HAO2: variants seen among roughly 807,000 people sequenced by gnomAD.
HAO2 encodes hydroxyacid oxidase 2.
Under a neutral mutation model 37.4 loss-of-function variants are expected in HAO2, and 42 were observed. That is an observed-to-expected ratio of 1.12 (90% CI 0.88 to 1.45). The LOEUF (loss-of-function observed/expected upper bound fraction) is 1.45. Ranked by LOEUF, HAO2 falls within the 40% of genes most tolerant of loss-of-function variation. The pLI is 0.00. For synonymous variants in HAO2, 180 were observed against 162.8 expected (o/e 1.11, Z -0.81); for missense variants, 476 against 430.2 (o/e 1.11, Z -0.94).
At chr1:119,369,833 C>A (rs951516969) in intron 1 of HAO2, among the ~76,000 whole-genome samples, 4 of 152,084 alleles carry the variant, frequency 2.6e-5, no homozygotes, top group Admixed American at 6.6e-5. Context: ...GAAAGTCTGT[C>A]TTCTTCGACT....
In HAO2 at chr1:119,391,590, A is replaced by C. The variant is rs140430712; in HGVS notation, c.772-520A>C. Among the ~76,000 whole-genome samples the C allele has an allele frequency of 2.0e-5, 3 of 152,320 alleles. No homozygotes were observed. In the East Asian group the frequency reaches 5.8e-4, roughly 29 times the overall value. ...GATACGCCATGAGGAAGTCAGGGACAAGTTGGTCAAGTGGTGCATGAGAAA... is the reference window on the plus strand; with the variant it reads ...GATACGCCATGAGGAAGTCAGGGACCAGTTGGTCAAGTGGTGCATGAGAAA... On this transcript the variant is annotated intron_variant, in intron 5 of 7. Coordinates refer to ENST00000325945, the MANE Select transcript of HAO2 (RefSeq NM_016527.4).
At chr1:119,370,771 G>C (rs941330481) in intron 1 of HAO2, among the ~76,000 whole-genome samples, 1 of 152,154 alleles carries the variant, frequency 6.6e-6, no homozygotes, top group African/African-American at 2.4e-5. Context: ...GGTAGTTGCC[G>C]TAGACAGAGA....
In HAO2 at chr1:119,393,798, C is replaced by A. The variant is rs763058168; in HGVS notation, c.1014C>A (p.Val338=). The change falls in exon 8 of 8, where the codon GTC becomes GTA. Residue 338 remains valine, a synonymous_variant. Coordinates refer to ENST00000325945, the MANE Select transcript of HAO2 (RefSeq NM_016527.4). ...TSMALTGCRS[V]AEINRNLVQF... is the part of the protein sequence containing the mutation. ...TTGTTCTTTTAGGCTGCCGGTCGGT[C>A]GCTGAGATCAATCGAAACTTGGTCC... The A allele has an allele frequency of 5.6e-6, 9 of 1,612,898 alleles. No individual in the cohort carries two copies. In the South Asian group the frequency reaches 8.8e-5, roughly 16 times the overall value.
intron 4 of HAO2, chr1:119,385,875 T>C: frequency 1.0e-6 from 1 of 984,818 alleles, no homozygotes; most frequent in Non-Finnish European, 1.2e-6. Context: ...AAATGTTTGA[T>C]GTACATGGTG....
intron 2 of HAO2, among the ~76,000 whole-genome samples, chr1:119,382,119 C>T (rs1181955655): frequency 2.0e-5 from 3 of 152,132 alleles, no homozygotes; most frequent in East Asian, 1.9e-4. Flanking sequence ...TAGCACTATA[C>T]GAGGCACCTT....
At chr1:119,389,137 C>CATATATATATATGTGTATATATATAT (rs1650617018) in intron 5 of HAO2, among the ~76,000 whole-genome samples, 1 of 3,324 alleles carries the variant, frequency 3.0e-4, no homozygotes, top group African/African-American at 1.4e-3. Context: ...AGTATTTCAT[C>CATATATATATATGTGTATATATATAT]ATATATATAT....
At position 119,393,979 on chromosome 1, in the gene HAO2, C is replaced by G; in HGVS notation, c.*139C>G. On this transcript the variant is annotated 3_prime_UTR_variant, in exon 8 of 8. Transcript: ENST00000325945. ...CCCATATTTCCCACATTTCTAATAC[C>G]ACCACCCCTGTGCTTCAGGCCCTCC... is the stretch of plus-strand genomic sequence containing the variant. 1 of 1,517,246 alleles carries G rather than the reference C, an allele frequency of 6.6e-7. No individual in the cohort carries two copies. Among genetic ancestry groups the G allele is most frequent in the Non-Finnish European group, 8.9e-7 (1 of 1,124,576 alleles). The allele number at this position is 1,517,246 out of a possible 1,614,324, so 94.0% of individuals were successfully genotyped here. A position where few individuals can be genotyped will look rare whatever the true frequency, so the allele number is the denominator to read the frequency against.
rs587664012 is a variant in HAO2 at position 119,378,138 on chromosome 1, C to T, written c.-8-2940C>T. 2.3e-4 allele frequency among the ~76,000 whole-genome samples: 35 copies of T among 152,212 alleles called. 1 individual carries two copies. The East Asian group carries it at 3.5e-3, about 15-fold the overall frequency. On this transcript the variant is annotated intron_variant, in intron 1 of 7. Transcript: ENST00000325945. ...TGAGAACCAACTATTTTGTTCTTTA[C>T]GTTAAATTGAAAATAGAGAATGTCT... is the stretch of plus-strand genomic sequence containing the variant.
chr1:119,389,779 G>T (rs952323066), intron 5 of HAO2, among the ~76,000 whole-genome samples: 1 of 151,976 alleles, frequency 6.6e-6, no homozygotes, highest in Non-Finnish European at 1.5e-5. Context: ...CCATACAAAA[G>T]CTCCTTAGTT....
In HAO2 at chr1:119,385,441, A is replaced by G. The variant is rs587600616; in HGVS notation, c.561+388A>G. 6.1e-5 allele frequency: 50 copies of G among 820,528 alleles called. No homozygotes were observed. In the Admixed American group the frequency reaches 1.4e-3, roughly 23 times the overall value. The allele number at this position is 820,528 out of a possible 1,614,324, so 50.8% of individuals were successfully genotyped here. ...AAAATGCTAATTTTGGATGGCATAC[A>G]TAGACAAACTGACTCTCCAAAGGGG... On this transcript the variant is annotated intron_variant, in intron 4 of 7. Coordinates refer to ENST00000325945, the MANE Select transcript of HAO2 (RefSeq NM_016527.4).
intron 1 of HAO2, among the ~76,000 whole-genome samples, chr1:119,378,277 G>A (rs1055212890): frequency 2.0e-5 from 3 of 152,050 alleles, no homozygotes; most frequent in African/African-American, 4.8e-5. Flanking sequence ...CAGATCTCAT[G>A]AGACTCATTC....
At position 119,386,682 on chromosome 1, in the gene HAO2, C is replaced by G. The variant is rs1427247005; in HGVS notation, c.622C>G (p.Leu208Val). The part of the protein sequence containing the change: ...PISTSLCWND[L>V]SWFQSITRLP... ...CAGCACTTCTCTCTGCTGGAATGAT[C>G]TCTCCTGGTTTCAGAGCATAACTCG... Residue 208 changes from leucine to valine, a missense_variant, in exon 5 of 8, where the codon CTC (leucine) becomes GTC (valine). Transcript: ENST00000325945. 2.5e-6 allele frequency: 4 copies of G among 1,613,138 alleles called. No individual in the cohort carries two copies. Among genetic ancestry groups the G allele is most frequent in the Non-Finnish European group, 3.4e-6 (4 of 1,179,126 alleles).
intron 3 of HAO2, among the ~76,000 whole-genome samples, chr1:119,383,814 G>A (rs1278516217): frequency 2.0e-5 from 3 of 152,086 alleles, no homozygotes; most frequent in Non-Finnish European, 2.9e-5. Context: ...CATGATGAAG[G>A]AAGCTATGGA....
chr1:119,375,917 G>C (rs113102953), intron 1 of HAO2, among the ~76,000 whole-genome samples: 11 of 152,170 alleles, frequency 7.2e-5, no homozygotes, highest in African/African-American at 2.4e-4. Flanking sequence ...ATGACATGTG[G>C]GGATTATGGG....
Position 119,393,921 on chromosome 1 carries a change from T to C in HAO2, c.*81T>C. 1 of 1,603,960 alleles carries C rather than the reference T, an allele frequency of 6.2e-7. No homozygotes were observed. Among genetic ancestry groups the C allele is most frequent in the Non-Finnish European group, 8.5e-7 (1 of 1,172,466 alleles). ...CACAGCACAGTGTGTGATGCTGTCC[T>C]TCCTGGACCCCATTCTGTCCGGAGG... On this transcript the variant is annotated 3_prime_UTR_variant, in exon 8 of 8. Transcript: ENST00000325945.
At chr1:119,376,215 A>G (rs1176603151) in intron 1 of HAO2, among the ~76,000 whole-genome samples, 2 of 152,198 alleles carry the variant, frequency 1.3e-5, no homozygotes, top group African/African-American at 4.8e-5. Flanking sequence ...GCCATTCCAA[A>G]TGGGAGAAAT....
At chr1:119,381,911 T>C (rs2101215864) in intron 2 of HAO2, among the ~76,000 whole-genome samples, 1 of 152,360 alleles carries the variant, frequency 6.6e-6, no homozygotes, top group East Asian at 1.9e-4. Flanking sequence ...AGCCATTTAC[T>C]ATTGTTTATG....
At chr1:119,385,842 T>C (rs1451022379) in intron 4 of HAO2, 1 of 984,952 alleles carries the variant, frequency 1.0e-6, no homozygotes, top group Non-Finnish European at 1.2e-6. Context: ...TTATTCAAAT[T>C]CCAGAAGCAC....
intron 1 of HAO2, 86 bp from the exon 2 acceptor site, chr1:119,380,992 T>A (rs1481068314): frequency 5.1e-6 from 6 of 1,167,540 alleles, no homozygotes; most frequent in African/African-American, 3.0e-5. Context: ...CCAAACAATT[T>A]CATACTGCAG....
Sources: allele counts gnomAD v4.1 joint callset (sites outside exome capture counted in the v4.1 genomes callset), GRCh38; gene constraint gnomAD v4.1.1; transcripts MANE v1.5; gene names NCBI Gene and HGNC (gene_info 2026-07-23, HGNC 2026-07-21).